Variants in SPRR2B observed in about 807,000 individuals in gnomAD.
The protein encoded by SPRR2B is small proline rich protein 2B, also known as small proline-rich protein 2B.
SPRR2B carries 1 observed loss-of-function variant against 1.0 expected under a neutral mutation model. That is an observed-to-expected ratio of 1.01 (90% CI 0.36 to 4.77). SPRR2B has a LOEUF of 4.77. Among genes scored for constraint, SPRR2B ranks in the 30% most tolerant of loss-of-function variants. The pLI is 0.16. For synonymous variants in SPRR2B, 27 were observed against 33.4 expected (o/e 0.81, Z 0.66); for missense variants, 53 against 88.7 (o/e 0.60, Z 1.62).
chr1:153,083,341 CCCTGATACAAAAG>C, the SPRR2B span, among the ~76,000 whole-genome samples: 1 of 152,108 alleles, frequency 6.6e-6, no homozygotes, highest in Non-Finnish European at 1.5e-5. Context: ...CCCGCCAATA[CCCTGATACAAAAG>C]CCAGACAAAG....
At chr1:153,081,263 T>C in the SPRR2B span, among the ~76,000 whole-genome samples, 1 of 152,176 alleles carries the variant, frequency 6.6e-6, no homozygotes, top group South Asian at 2.1e-4. Flanking sequence ...ACACAAATTA[T>C]AATCAAATTA....
At chr1:153,082,452 C>T in the SPRR2B span, among the ~76,000 whole-genome samples, 1 of 152,182 alleles carries the variant, frequency 6.6e-6, no homozygotes, top group African/African-American at 2.4e-5. Context: ...GGATAGACAA[C>T]ATCCATTGGG....
chr1:153,083,700 G>A, the SPRR2B span, among the ~76,000 whole-genome samples: 1 of 152,168 alleles, frequency 6.6e-6, no homozygotes. Flanking sequence ...AACCAGCAGG[G>A]AGGAACCCAC....
the SPRR2B span, among the ~76,000 whole-genome samples, chr1:153,078,849 C>A: frequency 2.6e-5 from 4 of 152,176 alleles, no homozygotes; most frequent in Non-Finnish European, 5.9e-5. Flanking sequence ...TTTATAGCAG[C>A]ATGATTTATA....
upstream of SPRR2B, among the ~76,000 whole-genome samples, chr1:153,076,237 G>A (rs944563448): frequency 2.6e-5 from 4 of 152,138 alleles, no homozygotes; most frequent in Admixed American, 2.0e-4. Flanking sequence ...TAGCTCATTA[G>A]CACTAATCTT....
chr1:153,073,641 A>C (rs1307912094), upstream of SPRR2B, among the ~76,000 whole-genome samples: 1 of 151,836 alleles, frequency 6.6e-6, no homozygotes, highest in Admixed American at 6.6e-5. Flanking sequence ...GCTAACAGTC[A>C]CACCTTCCCC....
the SPRR2B span, among the ~76,000 whole-genome samples, chr1:153,078,694 C>T: frequency 6.6e-6 from 1 of 152,188 alleles, no homozygotes; most frequent in Non-Finnish European, 1.5e-5. Context: ...GACATGAACT[C>T]ATCACTTTTT....
At chr1:153,071,630 A>G (rs1342154158), upstream of SPRR2B, among the ~76,000 whole-genome samples, 1 of 152,080 alleles carries the variant, frequency 6.6e-6, no homozygotes, top group African/African-American at 2.4e-5. Flanking sequence ...GCAGCAGAGA[A>G]CCTCTTTATA....
At chr1:153,084,274 C>G in the SPRR2B span, among the ~76,000 whole-genome samples, 1 of 152,120 alleles carries the variant, frequency 6.6e-6, no homozygotes, top group Admixed American at 6.5e-5. Flanking sequence ...CCCACCAGTA[C>G]ATATGAGAGT....
chr1:153,078,439 T>A, the SPRR2B span, among the ~76,000 whole-genome samples: 4 of 152,332 alleles, frequency 2.6e-5, no homozygotes, highest in East Asian at 7.7e-4. Flanking sequence ...TGTATACATG[T>A]GCCATGTTGG....
upstream of SPRR2B, among the ~76,000 whole-genome samples, chr1:153,071,713 T>C (rs1180176285): frequency 6.6e-6 from 1 of 152,070 alleles, no homozygotes; most frequent in East Asian, 1.9e-4. Flanking sequence ...CCAACCAAAA[T>C]GCAAATTTAT....
At chr1:153,076,946 G>C in the SPRR2B span, among the ~76,000 whole-genome samples, 1 of 152,198 alleles carries the variant, frequency 6.6e-6, no homozygotes, top group African/African-American at 2.4e-5. Context: ...AGAAATGTCA[G>C]TCTTAAAGGC....
At chr1:153,083,704 A>T in the SPRR2B span, among the ~76,000 whole-genome samples, 1 of 152,134 alleles carries the variant, frequency 6.6e-6, no homozygotes, top group Non-Finnish European at 1.5e-5. Context: ...AGCAGGGAGG[A>T]ACCCACTCCC....
upstream of SPRR2B, among the ~76,000 whole-genome samples, chr1:153,073,886 CAGGAA>C (rs532933890): frequency 1.3e-3 from 194 of 152,256 alleles, no homozygotes; most frequent in South Asian, 0.017. Flanking sequence ...TTAAAAATGA[CAGGAA>C]AGAACAAATA....
chr1:153,078,040 G>A, the SPRR2B span, among the ~76,000 whole-genome samples: 53,580 of 151,894 alleles, frequency 0.35, 10,396 homozygotes, highest in Non-Finnish European at 0.45. Flanking sequence ...ACATTGTACA[G>A]AAAAGAGTAA....
the SPRR2B span, among the ~76,000 whole-genome samples, chr1:153,082,503 A>G: frequency 6.6e-6 from 1 of 152,356 alleles, no homozygotes. Context: ...CTAAAATCAT[A>G]CAATGGACCT....
At chr1:153,084,205 C>T in the SPRR2B span, among the ~76,000 whole-genome samples, 1 of 152,176 alleles carries the variant, frequency 6.6e-6, no homozygotes, top group Non-Finnish European at 1.5e-5. Context: ...GGGCCCAGAG[C>T]AACACCCCAT....
chr1:153,082,606 A>C, the SPRR2B span, among the ~76,000 whole-genome samples: 43 of 152,304 alleles, frequency 2.8e-4, no homozygotes, highest in African/African-American at 9.4e-4. Context: ...GCACTCTTAA[A>C]CAACCAACAA....
chr1:153,081,379 A>G, the SPRR2B span, among the ~76,000 whole-genome samples: 16 of 152,268 alleles, frequency 1.1e-4, no homozygotes, highest in Non-Finnish European at 2.1e-4. Context: ...TTGGAGATCA[A>G]GAGGTAGTGG....
Sources: gnomAD v4.1 joint callset for allele counts (sites outside exome capture counted in the v4.1 genomes callset) on GRCh38, gnomAD v4.1.1 for gene constraint, MANE v1.5 for transcripts, NCBI Gene and HGNC (gene_info 2026-07-23, HGNC 2026-07-21) for gene names.